Variants in SLAMF6 observed in about 807,000 individuals in gnomAD.
SLAMF6 encodes the protein NK-T-B-antigen.
A neutral mutation model predicts 38.3 loss-of-function variants in SLAMF6; 21 were observed. The observed-to-expected ratio is 0.55, with a 90% CI of 0.39 to 0.79. The LOEUF (loss-of-function observed/expected upper bound fraction) is 0.79. Among genes scored for constraint, SLAMF6 ranks in the 30% least tolerant of loss-of-function variants. The pLI is 0.00. For missense variants in SLAMF6, 341 were observed against 385.3 expected, an observed-to-expected ratio of 0.89 and a Z score of 0.96; for synonymous variants, 152 against 146.3, an observed-to-expected ratio of 1.04 and a Z score of -0.28.
At chr1:160,520,849 T>C (rs1654953623) in intron 1 of SLAMF6, among the ~76,000 whole-genome samples, 1 of 152,234 alleles carries the variant, frequency 6.6e-6, no homozygotes, top group Non-Finnish European at 1.5e-5. Context: ...AGTGGTCTTC[T>C]TTCCCTTCCT....
intron 1 of SLAMF6, among the ~76,000 whole-genome samples, chr1:160,514,278 G>GT (rs1433091075): frequency 6.6e-6 from 1 of 150,684 alleles, no homozygotes; most frequent in African/African-American, 2.4e-5. Context: ...AGAAAGGCAT[G>GT]GTAAAGGGTT....
chr1:160,489,640 G>A (rs1052254583), intron 5 of SLAMF6, among the ~76,000 whole-genome samples: 3 of 152,190 alleles, frequency 2.0e-5, no homozygotes, highest in Non-Finnish European at 4.4e-5. Context: ...CATACAGACA[G>A]TGATGAAACA....
chr1:160,519,427 T>G (rs768251861), intron 1 of SLAMF6, among the ~76,000 whole-genome samples: 27 of 152,144 alleles, frequency 1.8e-4, no homozygotes, highest in Non-Finnish European at 2.1e-4. Flanking sequence ...AAGTTAAGCA[T>G]AGAATTATAT....
chr1:160,495,371 T>G (rs183459150), intron 2 of SLAMF6, among the ~76,000 whole-genome samples: 1 of 152,370 alleles, frequency 6.6e-6, no homozygotes, highest in East Asian at 1.9e-4. Context: ...ATAAGAAATC[T>G]CATTATAGTT....
chr1:160,486,563 C>A lies in SLAMF6; in HGVS notation c.*144G>T. ...TGACTCAGGTAGGCAGGTTTAAGTCCGAAGGACTGGAGGTGATCATCCTAT... is the reference window on the plus strand; with the variant it reads ...TGACTCAGGTAGGCAGGTTTAAGTCAGAAGGACTGGAGGTGATCATCCTAT... On this transcript the variant is annotated 3_prime_UTR_variant, in exon 8 of 8. Coordinates refer to ENST00000368057, the MANE Select transcript of SLAMF6 (RefSeq NM_001184714.2). 1.3e-6 allele frequency: 1 copy of A among 766,988 alleles called. No individual in the cohort carries two copies. The allele number at this position is 766,988 out of a possible 1,614,324, so 47.5% of individuals were successfully genotyped here. A position where few individuals can be genotyped will look rare whatever the true frequency, so the allele number is the denominator to read the frequency against.
intron 7 of SLAMF6, 69 bp from the exon 8 acceptor site, chr1:160,486,823 C>T: frequency 1.3e-6 from 2 of 1,547,394 alleles, no homozygotes; most frequent in Non-Finnish European, 1.8e-6. Flanking sequence ...CTCATAACTA[C>T]AGAGAGAGGA....
intron 1 of SLAMF6, among the ~76,000 whole-genome samples, chr1:160,497,606 T>A (rs614136): frequency 6.6e-6 from 1 of 151,952 alleles, no homozygotes; most frequent in South Asian, 2.1e-4. Flanking sequence ...AACTAATAGG[T>A]AGTTATTCAA....
chr1:160,490,115 C>G, intron 5 of SLAMF6, 83 bp downstream of exon 5: 2 of 1,463,222 alleles, frequency 1.4e-6, no homozygotes, highest in East Asian at 4.5e-5. Context: ...TGTCATTATC[C>G]AGCCCTCTGC....
intron 2 of SLAMF6, among the ~76,000 whole-genome samples, chr1:160,494,734 G>C (rs1460885554): frequency 2.6e-5 from 4 of 152,086 alleles, no homozygotes; most frequent in Non-Finnish European, 5.9e-5. Flanking sequence ...AGAAAACCAA[G>C]GAGTGTTGAC....
intron 1 of SLAMF6, among the ~76,000 whole-genome samples, 180 bp from the exon 2 acceptor site, chr1:160,496,573 C>G (rs549228716): frequency 1.3e-5 from 2 of 152,248 alleles, no homozygotes; most frequent in South Asian, 4.1e-4. Flanking sequence ...CCCAGAGCTT[C>G]ACCTCCAGCA....
intron 2 of SLAMF6, among the ~76,000 whole-genome samples, chr1:160,495,763 A>G (rs1653543162): frequency 6.6e-6 from 1 of 152,244 alleles, no homozygotes; most frequent in African/African-American, 2.4e-5. Context: ...AAATACATGT[A>G]GTGCACAAGG....
chr1:160,486,779 G>A (rs1249552), intron 7 of SLAMF6, 25 bp from the exon 8 acceptor site: 11 of 1,613,526 alleles, frequency 6.8e-6, no homozygotes, highest in Non-Finnish European at 8.5e-6. Flanking sequence ...GGAAGATGAG[G>A]TAGGTTAATT....
chr1:160,496,913 A>G (rs1368584873), intron 1 of SLAMF6, among the ~76,000 whole-genome samples: 1 of 152,180 alleles, frequency 6.6e-6, no homozygotes, highest in African/African-American at 2.4e-5. Context: ...ATATTATTTC[A>G]TTGACGCTGA....
At chr1:160,522,427 T>G (rs577799199) in intron 1 of SLAMF6, among the ~76,000 whole-genome samples, 1 of 152,292 alleles carries the variant, frequency 6.6e-6, no homozygotes, top group Non-Finnish European at 1.5e-5. Context: ...CTGGACTATC[T>G]CTGCCTGAAT....
At chr1:160,519,148 G>T (rs1455886634) in intron 1 of SLAMF6, among the ~76,000 whole-genome samples, 3 of 152,024 alleles carry the variant, frequency 2.0e-5, no homozygotes, top group Non-Finnish European at 4.4e-5. Context: ...ATGGGCAAAG[G>T]ACTTGAATAG....
At position 160,519,656 on chromosome 1, in the gene SLAMF6, C is replaced by T. The variant is rs886690568; in HGVS notation, c.49+3488G>A. 2.7e-4 allele frequency among the ~76,000 whole-genome samples: 41 copies of T among 151,780 alleles called. 3 individuals carry two copies. Among genetic ancestry groups the T allele is most frequent in the Admixed American group, 2.0e-4 (3 of 15,218 alleles). Reference sequence around the variant, plus strand: ...GATACATGGTTCAGCATAGGTGAACCTGGAAAACATGATGCTAAGTGAAAG... The same window carrying T: ...GATACATGGTTCAGCATAGGTGAACTTGGAAAACATGATGCTAAGTGAAAG... On this transcript the variant is annotated intron_variant, in intron 1 of 7. Coordinates refer to ENST00000368057, the MANE Select transcript of SLAMF6 (RefSeq NM_001184714.2).
rs1487546394 is a variant in SLAMF6, at chr1:160,486,540, A to G, written c.*167T>C. 11 of 632,666 alleles carry G rather than the reference A, an allele frequency of 1.7e-5. No homozygotes were observed. Among genetic ancestry groups the G allele is most frequent in the Admixed American group, 1.4e-4 (5 of 34,720 alleles). The allele number at this position is 632,666 out of a possible 1,614,324, so 39.2% of individuals were successfully genotyped here. A position where few individuals can be genotyped will look rare whatever the true frequency, so the allele number is the denominator to read the frequency against. On this transcript the variant is annotated 3_prime_UTR_variant, in exon 8 of 8. Transcript: ENST00000368057. ...AAATGATGTTATCCTTAGGTGTTTG[A>G]CTCAGGTAGGCAGGTTTAAGTCCGA...
intron 1 of SLAMF6, among the ~76,000 whole-genome samples, chr1:160,501,266 T>C (rs993011766): frequency 1.3e-5 from 2 of 152,202 alleles, no homozygotes; most frequent in Non-Finnish European, 2.9e-5. Flanking sequence ...GGGTCCATCA[T>C]CTGATAGAGG....
In SLAMF6 at chr1:160,497,112, T is replaced by C. The variant is rs192218235; in HGVS notation, c.50-719A>G. 5.3e-5 allele frequency among the ~76,000 whole-genome samples: 8 copies of C among 152,304 alleles called. No homozygotes were observed. In the East Asian group the frequency reaches 1.5e-3, roughly 29 times the overall value. On this transcript the variant is annotated intron_variant, in intron 1 of 7. Transcript: ENST00000368057. Reference sequence around the variant, plus strand: ...CTTCATGATACCAGAAGATTTTTTTTTAATTCTCTCAGAAAGATTATAGTT... The same window carrying C: ...CTTCATGATACCAGAAGATTTTTTTCTAATTCTCTCAGAAAGATTATAGTT...
Sources: allele counts gnomAD v4.1 joint callset (sites outside exome capture counted in the v4.1 genomes callset), GRCh38; gene constraint gnomAD v4.1.1; transcripts MANE v1.5; gene names NCBI Gene and HGNC (gene_info 2026-07-23, HGNC 2026-07-21).